AMBRA1: variants seen among roughly 807,000 people sequenced by gnomAD.
AMBRA1 encodes autophagy and beclin 1 regulator 1, also known as activating molecule in BECN1-regulated autophagy protein 1.
A neutral mutation model predicts 125.4 loss-of-function variants in AMBRA1; 47 were observed. That is an observed-to-expected ratio of 0.37 (90% CI 0.30 to 0.48). The LOEUF (loss-of-function observed/expected upper bound fraction) is 0.48, where lower values mean the gene tolerates loss of function less well. Among genes scored for constraint, AMBRA1 ranks in the 20% least tolerant of loss-of-function variants. AMBRA1 has a pLI of 0.99. For missense variants in AMBRA1, 1,331 were observed against 1,693.4 expected (o/e 0.79, Z 3.76); for synonymous variants, 626 against 655.5 (o/e 0.95, Z 0.69).
At chr11:46,508,897 T>C (rs1951158041) in intron 8 of AMBRA1, among the ~76,000 whole-genome samples, 1 of 152,324 alleles carries the variant, frequency 6.6e-6, no homozygotes, top group Admixed American at 6.5e-5. Flanking sequence ...CCAACAAGTA[T>C]ACACAGCTCC....
intron 1 of AMBRA1, among the ~76,000 whole-genome samples, chr11:46,577,732 C>T (rs1297177572): frequency 6.6e-6 from 1 of 152,090 alleles, no homozygotes; most frequent in Non-Finnish European, 1.5e-5. Context: ...GGGCAGATCA[C>T]CTGAGGTCGG....
At chr11:46,589,329 C>T (rs2135344257) in intron 1 of AMBRA1, among the ~76,000 whole-genome samples, 1 of 152,314 alleles carries the variant, frequency 6.6e-6, no homozygotes, top group South Asian at 2.1e-4. Flanking sequence ...CCCCAAACCA[C>T]AGGACAGGCT....
intron 11 of AMBRA1, among the ~76,000 whole-genome samples, chr11:46,489,553 C>T (rs1950392701): frequency 6.6e-6 from 1 of 152,206 alleles, no homozygotes; most frequent in African/African-American, 2.4e-5. Flanking sequence ...GCCGTAATGA[C>T]CTGTGGCTAG....
intron 15 of AMBRA1, among the ~76,000 whole-genome samples, chr11:46,414,552 CT>C (rs769466533): frequency 6.6e-6 from 1 of 152,360 alleles, no homozygotes; most frequent in African/African-American, 2.4e-5. Flanking sequence ...GCACCTCCCC[CT>C]ATCACATTTG....
chr11:46,489,479 G>A (rs902870617), intron 11 of AMBRA1, among the ~76,000 whole-genome samples: 3 of 152,060 alleles, frequency 2.0e-5, no homozygotes, highest in Non-Finnish European at 4.4e-5. Context: ...GAAGAAGAAG[G>A]AGTCATAAGA....
chr11:46,453,584 T>C (rs1246389861), intron 11 of AMBRA1, among the ~76,000 whole-genome samples: 1 of 152,218 alleles, frequency 6.6e-6, no homozygotes, highest in Non-Finnish European at 1.5e-5. Flanking sequence ...TAGAATTATT[T>C]CCATTGTAAA....
intron 7 of AMBRA1, among the ~76,000 whole-genome samples, chr11:46,519,322 C>T (rs1951659580): frequency 6.6e-6 from 1 of 152,158 alleles, no homozygotes; most frequent in Non-Finnish European, 1.5e-5. Flanking sequence ...CCATGCCCGG[C>T]CCCTTCACTT....
At chr11:46,404,141 T>C (rs1178110341) in intron 17 of AMBRA1, among the ~76,000 whole-genome samples, 1 of 152,214 alleles carries the variant, frequency 6.6e-6, no homozygotes, top group Admixed American at 6.5e-5. Flanking sequence ...GTGAGCCGTG[T>C]TCGTGTCACT....
intron 11 of AMBRA1, among the ~76,000 whole-genome samples, chr11:46,445,762 T>G (rs1042118505): frequency 2.0e-5 from 3 of 152,218 alleles, no homozygotes; most frequent in African/African-American, 7.2e-5. Flanking sequence ...TTTAGCTCCT[T>G]ATCATTTTCT....
chr11:46,520,858 G>C (rs1469894783), intron 7 of AMBRA1, among the ~76,000 whole-genome samples: 2 of 151,810 alleles, frequency 1.3e-5, no homozygotes, highest in African/African-American at 4.8e-5. Context: ...GCCCGCCTCG[G>C]CCTCCCAAAG....
At chr11:46,537,557 G>A (rs1440903459) in intron 7 of AMBRA1, among the ~76,000 whole-genome samples, 1 of 152,162 alleles carries the variant, frequency 6.6e-6, no homozygotes, top group African/African-American at 2.4e-5. Flanking sequence ...GCTGGATCCT[G>A]CACTCCCACA....
intron 1 of AMBRA1, among the ~76,000 whole-genome samples, chr11:46,552,417 G>A (rs561244541): frequency 2.5e-4 from 33 of 132,768 alleles, no homozygotes; most frequent in African/African-American, 9.5e-4. Context: ...GCCAGGCACG[G>A]TAGCTCACAC....
At chr11:46,412,429 C>T (rs941804812) in intron 15 of AMBRA1, among the ~76,000 whole-genome samples, 3 of 151,960 alleles carry the variant, frequency 2.0e-5, no homozygotes, top group South Asian at 2.1e-4. Context: ...GTACTACAGG[C>T]GTGCCTCACC....
intron 17 of AMBRA1, among the ~76,000 whole-genome samples, chr11:46,406,399 G>A (rs1428807508): frequency 2.7e-5 from 4 of 150,092 alleles, no homozygotes; most frequent in Non-Finnish European, 4.4e-5. Context: ...AAAAAGGTCC[G>A]GGTGTGGTGG....
At chr11:46,555,207 T>C (rs2043127852) in intron 1 of AMBRA1, among the ~76,000 whole-genome samples, 1 of 152,226 alleles carries the variant, frequency 6.6e-6, no homozygotes, top group Non-Finnish European at 1.5e-5. Context: ...CCAGATTTTC[T>C]CTATTTAATT....
In AMBRA1 at chr11:46,583,672, A is replaced by C. The variant is rs201687485; in HGVS notation, c.-121+10156T>G. Among the ~76,000 whole-genome samples the C allele has an allele frequency of 3.5e-4, 51 of 146,506 alleles. 1 individual carries two copies. The East Asian group carries it at 4.5e-3, about 13-fold the overall frequency. ...ATTTCCAAAAAAAAAAAAAAAAAAA[A>C]AAAAAAACAACAAAACAACCCCATC... On this transcript the variant is annotated intron_variant, in intron 1 of 17. Coordinates refer to ENST00000683756, the MANE Select transcript of AMBRA1 (RefSeq NM_001387011.1).
chr11:46,443,711 T>C, intron 11 of AMBRA1, 113 bp from the exon 12 acceptor site: 3 of 882,164 alleles, frequency 3.4e-6, no homozygotes, highest in African/African-American at 1.7e-5. Flanking sequence ...AAAACTAGAC[T>C]ATGGCTGAAG....
At position 46,396,604 on chromosome 11, in the gene AMBRA1, T is replaced by C. The variant is rs1945475913; in HGVS notation, c.*846A>G. Reference sequence around the variant, plus strand: ...TAGAAACTACACGTACAGTTAAGAGTCCACATGCAACACCTTAAATCACAG... The same window carrying C: ...TAGAAACTACACGTACAGTTAAGAGCCCACATGCAACACCTTAAATCACAG... On this transcript the variant is annotated 3_prime_UTR_variant, in exon 18 of 18. Transcript: ENST00000683756. 6.6e-6 allele frequency: 1 copy of C among 152,476 alleles called. No individual in the cohort carries two copies. Among genetic ancestry groups the C allele is most frequent in the Non-Finnish European group, 1.5e-5 (1 of 68,002 alleles). The allele number at this position is 152,476 out of a possible 1,614,324, so 9.4% of individuals were successfully genotyped here. A position where few individuals can be genotyped will look rare whatever the true frequency, so the allele number is the denominator to read the frequency against.
intron 1 of AMBRA1, among the ~76,000 whole-genome samples, chr11:46,572,357 T>C (rs1329198014): frequency 6.6e-6 from 1 of 152,178 alleles, no homozygotes; most frequent in Non-Finnish European, 1.5e-5. Flanking sequence ...AGGGCATCTC[T>C]AGACATAAAC....
Sources: allele counts gnomAD v4.1 joint callset (sites outside exome capture counted in the v4.1 genomes callset), GRCh38; gene constraint gnomAD v4.1.1; transcripts MANE v1.5; gene names NCBI Gene and HGNC (gene_info 2026-07-23, HGNC 2026-07-21).